UNC5B: variants seen among roughly 807,000 people sequenced by gnomAD.
The protein encoded by UNC5B is unc-5 netrin receptor B, also known as netrin receptor UNC5B.
In UNC5B, 56 loss-of-function variants were observed where a neutral mutation model predicts 103.7. That is an observed-to-expected ratio of 0.54 (90% CI 0.44 to 0.67). The LOEUF (loss-of-function observed/expected upper bound fraction) is 0.67. Among genes scored for constraint, UNC5B ranks in the 30% least tolerant of loss-of-function variants. The pLI is 0.00. For synonymous variants in UNC5B, 577 were observed against 542.0 expected (o/e 1.06, Z -0.90); for missense variants, 1,194 against 1,284.5 (o/e 0.93, Z 1.08).
Position 71,213,675 on chromosome 10 carries a change from A to ATTATTATTATT in UNC5B, c.79+611_79+612insTTATTATTATT, listed in dbSNP as rs1554858437. 7.5e-6 allele frequency among the ~76,000 whole-genome samples: 1 copy of ATTATTATTATT among 133,258 alleles called. No individual in the cohort carries two copies. The highest frequency in any genetic ancestry group is 2.3e-4 in the East Asian group (1 of 4,438). 87.4% of individuals were successfully genotyped at this position (133,258 alleles called of 152,430 possible). A position where few individuals can be genotyped will look rare whatever the true frequency, so the allele number is the denominator to read the frequency against. ...ATCGCTGGGCCCGCAGGTCTGGAAG[A>ATTATTATTATT]ATTATTATTATTATTATTATTATTA... On this transcript the variant is annotated intron_variant, in intron 1 of 16. Transcript: ENST00000335350. This position sits in a 1 kb window ranked among gnomAD's most constrained non-coding sequence, Gnocchi z 4.1.
chr10:71,248,865 TCTCACACACACACACA>T (rs1477493218), intron 1 of UNC5B, among the ~76,000 whole-genome samples: 4 of 143,096 alleles, frequency 2.8e-5, no homozygotes, highest in Non-Finnish European at 4.5e-5. Context: ...TCTCTCTCTC[TCTCACACACACACACA>T]CACACACACA....
At chr10:71,236,641 A>G (rs542947773) in intron 1 of UNC5B, among the ~76,000 whole-genome samples, 2 of 152,278 alleles carry the variant, frequency 1.3e-5, no homozygotes, top group South Asian at 2.1e-4. Context: ...CTCCTCATTC[A>G]TGGGTGCTGG....
rs188357805 is a variant in UNC5B at position 71,287,909 on chromosome 10, G to A, written c.901+144G>A. On this transcript the variant is annotated intron_variant, in intron 6 of 16. Coordinates refer to ENST00000335350, the MANE Select transcript of UNC5B (RefSeq NM_170744.5). Reference sequence around the variant, plus strand: ...GAGCCCACAGCCGGCTGCCCAGGCTGACTAGATGCTCTGATCTCTGACCCC... The same window carrying A: ...GAGCCCACAGCCGGCTGCCCAGGCTAACTAGATGCTCTGATCTCTGACCCC... 5.9e-3 allele frequency: 6,623 copies of A among 1,130,460 alleles called. 31 individuals carry two copies. Among genetic ancestry groups the A allele is most frequent in the Middle Eastern group, 0.015 (68 of 4,546 alleles). 70.0% of individuals were successfully genotyped at this position (1,130,460 alleles called of 1,614,324 possible).
chr10:71,233,852 G>A (rs909324051), intron 1 of UNC5B, among the ~76,000 whole-genome samples: 1 of 152,222 alleles, frequency 6.6e-6, no homozygotes, highest in African/African-American at 2.4e-5. Flanking sequence ...GAGATGAACT[G>A]GTCCAACTCC....
chr10:71,239,730 C>G (rs1843854393), intron 1 of UNC5B, among the ~76,000 whole-genome samples: 2 of 152,148 alleles, frequency 1.3e-5, no homozygotes, highest in African/African-American at 4.8e-5. Context: ...TGGGTGGGAG[C>G]CCCAGAGATT....
In UNC5B at chr10:71,291,107, C is replaced by T. The variant is rs1845241514; in HGVS notation, c.1292C>T (p.Pro431Leu). The change falls in exon 9 of 17, where the codon CCC (proline) becomes CTC (leucine). Residue 431 changes from proline to leucine, a missense_variant and splice_region_variant. Pro to Leu is a moderately conservative substitution (Grantham distance 98, BLOSUM62 -3). Transcript: ENST00000335350. ...FHPVNFKTAR[P>L]SNPQLLHPSV... ...CCCGTCAACTTTAAGACGGCAAGGC[C>T]CAGTAAGAACCCGAGGATGTCTGGG... 1 of 1,611,614 alleles carries T rather than the reference C, an allele frequency of 6.2e-7. No homozygotes were observed. The highest frequency in any genetic ancestry group is 1.3e-5 in the African/African-American group (1 of 74,840).
intron 1 of UNC5B, among the ~76,000 whole-genome samples, chr10:71,268,385 G>T (rs1405926141): frequency 2.0e-5 from 3 of 152,208 alleles, no homozygotes; most frequent in Non-Finnish European, 4.4e-5. Flanking sequence ...TAGGAGTGAC[G>T]CTGCAGCCAC....
At position 71,296,738 on chromosome 10, in the gene UNC5B, C is replaced by T. The variant is rs144834834; in HGVS notation, c.2486C>T (p.Ala829Val). ...GQIFQLHTTL[A>V]ETPAGSLDTL... is the part of the protein sequence containing the mutation. ...ATATTCCAGCTGCATACCACTCTGG[C>T]AGAGGTGAGGGAAGTCGGGGCCACA... Residue 829 changes from alanine to valine, a missense_variant, in exon 15 of 17, where the codon GCA becomes GTA. Transcript: ENST00000335350. 15 of 1,605,314 alleles carry T rather than the reference C, an allele frequency of 9.3e-6. No homozygotes were observed. In the African/African-American group the frequency reaches 1.2e-4, roughly 13 times the overall value.
chr10:71,241,576 G>A (rs909140193), intron 1 of UNC5B, among the ~76,000 whole-genome samples: 1 of 152,052 alleles, frequency 6.6e-6, no homozygotes, highest in Non-Finnish European at 1.5e-5. Flanking sequence ...TGTGCTTATC[G>A]GGCACATCTA....
intron 1 of UNC5B, among the ~76,000 whole-genome samples, chr10:71,228,094 C>T (rs1843610794): frequency 6.6e-6 from 1 of 152,172 alleles, no homozygotes; most frequent in African/African-American, 2.4e-5. Flanking sequence ...GGTGGTATCA[C>T]AGGTCACTGG....
chr10:71,275,685 G>A (rs1844753284), intron 1 of UNC5B, among the ~76,000 whole-genome samples: 1 of 151,872 alleles, frequency 6.6e-6, no homozygotes, highest in South Asian at 2.1e-4. Context: ...CTGCACTGTG[G>A]GGATAATAAT....
intron 1 of UNC5B, among the ~76,000 whole-genome samples, chr10:71,215,856 C>T (rs1843320229): frequency 1.3e-5 from 2 of 151,670 alleles, no homozygotes; most frequent in African/African-American, 4.8e-5. Flanking sequence ...CGCGTGCATG[C>T]GCCTGTGCAC....
At chr10:71,270,378 G>A (rs1364796343) in intron 1 of UNC5B, among the ~76,000 whole-genome samples, 1 of 139,720 alleles carries the variant, frequency 7.2e-6, no homozygotes, top group Non-Finnish European at 1.6e-5. Flanking sequence ...GAGGGTGGGA[G>A]GCAGGGAGGG....
rs1845535865 is a variant in UNC5B, at chr10:71,299,503, T to A, written c.*226T>A. 1.9e-6 allele frequency: 1 copy of A among 532,264 alleles called. No homozygotes were observed. Among genetic ancestry groups the A allele is most frequent in the Non-Finnish European group, 3.3e-6 (1 of 301,530 alleles). The allele number at this position is 532,264 out of a possible 1,614,324, so 33.0% of individuals were successfully genotyped here. A position where few individuals can be genotyped will look rare whatever the true frequency, so the allele number is the denominator to read the frequency against. On this transcript the variant is annotated 3_prime_UTR_variant, in exon 17 of 17. Coordinates refer to ENST00000335350, the MANE Select transcript of UNC5B (RefSeq NM_170744.5). ...TCCTTCTCCACCCCCGCTCTCTCTC[T>A]CTTGGCCTGAGATCTCTGTGCAGGA...
intron 1 of UNC5B, among the ~76,000 whole-genome samples, chr10:71,221,148 G>A (rs781011554): frequency 9.2e-4 from 140 of 152,168 alleles, no homozygotes; most frequent in Middle Eastern, 3.2e-3. Context: ...GCAGCCCTGG[G>A]TGTCTCTCTC....
chr10:71,270,814 C>G (rs575855432), intron 1 of UNC5B, among the ~76,000 whole-genome samples: 5 of 152,128 alleles, frequency 3.3e-5, no homozygotes, highest in Non-Finnish European at 7.4e-5. Flanking sequence ...CCATGCCAAC[C>G]CTGGGTCAGG....
intron 1 of UNC5B, among the ~76,000 whole-genome samples, chr10:71,234,993 C>T (rs1360093629): frequency 2.0e-5 from 3 of 152,142 alleles, no homozygotes; most frequent in Non-Finnish European, 2.9e-5. Context: ...GAAGGAGAGG[C>T]CAGCCCTTCC....
In UNC5B at chr10:71,301,042, GCA is replaced by G. The variant is rs1845574102; in HGVS notation, c.*1768_*1769del. 6.6e-6 allele frequency: 1 copy of G among 152,360 alleles called. No homozygotes were observed. The highest frequency in any genetic ancestry group is 2.4e-5 in the African/African-American group (1 of 41,446). The allele number at this position is 152,360 out of a possible 1,614,324, so 9.4% of individuals were successfully genotyped here. Reference sequence around the variant, plus strand: ...GGCTGGGACAAGGATCTTGCAGCCAGCACAGAGGCCTCTTCAAAGGCCTCTCC... The same window carrying G: ...GGCTGGGACAAGGATCTTGCAGCCAGCAGAGGCCTCTTCAAAGGCCTCTCC... On this transcript the variant is annotated 3_prime_UTR_variant, in exon 17 of 17. Coordinates refer to ENST00000335350, the MANE Select transcript of UNC5B (RefSeq NM_170744.5).
At chr10:71,280,764 C>A (rs908108645) in intron 2 of UNC5B, among the ~76,000 whole-genome samples, 1 of 152,216 alleles carries the variant, frequency 6.6e-6, no homozygotes, top group Non-Finnish European at 1.5e-5. Flanking sequence ...GGCTCTTGCT[C>A]ACTTGTCACC....
Sources: allele counts gnomAD v4.1 joint callset (sites outside exome capture counted in the v4.1 genomes callset), GRCh38; gene constraint gnomAD v4.1.1; non-coding constraint Gnocchi (gnomAD v3.1); transcripts MANE v1.5; gene names NCBI Gene and HGNC (gene_info 2026-07-23, HGNC 2026-07-21).